Variants in FANK1 observed in about 807,000 individuals in gnomAD.
FANK1 encodes fibronectin type 3 and ankyrin repeat domains protein 1.
A neutral mutation model predicts 45.3 loss-of-function variants in FANK1; 44 were observed. The observed-to-expected ratio is 0.97, with a 90% CI of 0.76 to 1.25. FANK1 has a LOEUF of 1.25. Among genes scored for constraint, FANK1 ranks in the 50% most tolerant of loss-of-function variants. The pLI is 0.00. For missense variants in FANK1, 391 were observed against 424.4 expected (o/e 0.92, Z 0.69); for synonymous variants, 149 against 152.5 (o/e 0.98, Z 0.17).
intron 6 of FANK1, among the ~76,000 whole-genome samples, chr10:125,999,393 G>A (rs1003324851): frequency 6.6e-6 from 1 of 151,944 alleles, no homozygotes; most frequent in African/African-American, 2.4e-5. Flanking sequence ...TAGAGATGGG[G>A]TTTCACCGTG....
chr10:125,967,043 G>A (rs963945617), intron 1 of FANK1, among the ~76,000 whole-genome samples: 3 of 152,124 alleles, frequency 2.0e-5, no homozygotes, highest in African/African-American at 7.2e-5. Flanking sequence ...CACTTTTAAT[G>A]ACTAAATATT....
At chr10:125,924,463 AG>A (rs201017279) in intron 1 of FANK1, among the ~76,000 whole-genome samples, 1,969 of 152,140 alleles carry the variant, frequency 0.013, 40 homozygotes, top group African/African-American at 0.045. Context: ...CACGTTGGGC[AG>A]GATGGTCTCG....
intron 1 of FANK1, among the ~76,000 whole-genome samples, chr10:125,962,141 A>G (rs11244732): frequency 0.27 from 40,507 of 152,078 alleles, 6,512 homozygotes; most frequent in Non-Finnish European, 0.37. Context: ...CTCAACAGCA[A>G]AAAACAATCT....
chr10:125,899,097 G>T (rs202221252), intron 1 of FANK1, among the ~76,000 whole-genome samples: 1 of 136,184 alleles, frequency 7.3e-6, no homozygotes, highest in East Asian at 2.1e-4. Flanking sequence ...TTTCGCTGTT[G>T]TTGCCCAAGC....
At chr10:125,897,523 T>C (rs372940203) in intron 1 of FANK1, among the ~76,000 whole-genome samples, 78 of 152,376 alleles carry the variant, frequency 5.1e-4, no homozygotes, top group African/African-American at 1.8e-3. Flanking sequence ...TCGTCTTATC[T>C]TGTACAATTT....
chr10:125,988,707 C>T (rs1240122019), intron 3 of FANK1, 32 bp downstream of exon 3: 1 of 1,614,208 alleles, frequency 6.2e-7, no homozygotes, highest in Non-Finnish European at 8.5e-7. Context: ...ACTCACCTCT[C>T]TCTAGATCAA....
At chr10:125,952,076 G>A (rs1949270871) in intron 1 of FANK1, among the ~76,000 whole-genome samples, 1 of 152,112 alleles carries the variant, frequency 6.6e-6, no homozygotes. Flanking sequence ...TGTCAGATAA[G>A]TTCAGGTGTG....
intron 3 of FANK1, among the ~76,000 whole-genome samples, chr10:125,990,656 T>A (rs1156798765): frequency 6.6e-6 from 1 of 152,172 alleles, no homozygotes; most frequent in African/African-American, 2.4e-5. Flanking sequence ...GGCAGGGGCT[T>A]CTGGCCGTCC....
intron 1 of FANK1, among the ~76,000 whole-genome samples, chr10:125,915,651 A>G (rs1946391829): frequency 6.6e-6 from 1 of 152,204 alleles, no homozygotes; most frequent in Non-Finnish European, 1.5e-5. Context: ...TCTCTACAAA[A>G]AAAGTTCCAA....
chr10:125,996,034 C>T (rs545816348), intron 4 of FANK1, among the ~76,000 whole-genome samples: 77 of 152,296 alleles, frequency 5.1e-4, no homozygotes, highest in Non-Finnish European at 8.7e-4. Context: ...GTGAATTCGG[C>T]TCTGTAATTT....
intron 1 of FANK1, among the ~76,000 whole-genome samples, chr10:125,945,526 T>C (rs1450207048): frequency 2.6e-5 from 4 of 152,120 alleles, no homozygotes; most frequent in Non-Finnish European, 5.9e-5. Flanking sequence ...CCCACCCGAA[T>C]ATTGTGCTTT....
chr10:125,987,532 C>T lies in FANK1; in HGVS notation c.192-1019C>T, dbSNP rs201263261. Reference sequence around the variant, plus strand: ...AAAGAAGAAAGAGCTGGAAATGACACACACACACACACACACCCTCTCAAA... The same window carrying T: ...AAAGAAGAAAGAGCTGGAAATGACATACACACACACACACACCCTCTCAAA... On this transcript the variant is annotated intron_variant, in intron 2 of 10. Coordinates refer to ENST00000368693, the MANE Select transcript of FANK1 (RefSeq NM_145235.5). 7.3e-5 allele frequency among the ~76,000 whole-genome samples: 11 copies of T among 150,514 alleles called. No individual in the cohort carries two copies. In the East Asian group the frequency reaches 2.2e-3, roughly 30 times the overall value.
At position 126,009,284 on chromosome 10, in the gene FANK1, G is replaced by C; in HGVS notation, c.972+18G>C. On this transcript the variant is annotated intron_variant, in intron 10 of 10. Coordinates refer to ENST00000368693, the MANE Select transcript of FANK1 (RefSeq NM_145235.5). ...ACAGACAGGTTGGGATGCTCTTTCT[G>C]CCTATCAAGGCTAATTTTTAGTCCT... 2 of 1,614,112 alleles carry C rather than the reference G, an allele frequency of 1.2e-6. No homozygotes were observed. The highest frequency in any genetic ancestry group is 1.7e-6 in the Non-Finnish European group (2 of 1,180,022).
At chr10:125,967,797 G>A (rs1184913071) in intron 1 of FANK1, among the ~76,000 whole-genome samples, 1 of 152,100 alleles carries the variant, frequency 6.6e-6, no homozygotes, top group East Asian at 1.9e-4. Context: ...AAAAATAAAA[G>A]CACATACAAT....
rs372392726 is a variant in FANK1 at position 126,005,054 on chromosome 10, G to A, written c.705+5G>A. 9.6e-5 allele frequency: 154 copies of A among 1,611,104 alleles called. No individual in the cohort carries two copies. Among genetic ancestry groups the A allele is most frequent in the Non-Finnish European group, 1.2e-4 (139 of 1,178,188 alleles). ...ATGATAAAGGATGGCTGTGAGGTAC[G>A]GGACCTGCCTTGTTAACCACGCACA... is the stretch of plus-strand genomic sequence containing the variant. On this transcript the variant is annotated splice_donor_5th_base_variant and intron_variant, in intron 7 of 10. Coordinates refer to ENST00000368693, the MANE Select transcript of FANK1 (RefSeq NM_145235.5).
chr10:125,958,220 C>A (rs2134175192), intron 1 of FANK1, among the ~76,000 whole-genome samples: 1 of 152,284 alleles, frequency 6.6e-6, no homozygotes, highest in South Asian at 2.1e-4. Flanking sequence ...CCCTTCCCAG[C>A]CTCTAGTATC....
chr10:125,913,607 A>G (rs1946208430), intron 1 of FANK1, among the ~76,000 whole-genome samples: 1 of 152,188 alleles, frequency 6.6e-6, no homozygotes, highest in South Asian at 2.1e-4. Context: ...TTAATTTTAC[A>G]TAAACCTGGG....
intron 1 of FANK1, among the ~76,000 whole-genome samples, chr10:125,951,536 T>C (rs1359755460): frequency 1.3e-5 from 2 of 152,276 alleles, no homozygotes; most frequent in South Asian, 4.1e-4. Context: ...CTGTAGAAAT[T>C]GTTTTCTGTT....
chr10:125,935,616 C>A (rs1235281193), intron 1 of FANK1, among the ~76,000 whole-genome samples: 1 of 152,108 alleles, frequency 6.6e-6, no homozygotes, highest in Non-Finnish European at 1.5e-5. Flanking sequence ...ATAAATCTGT[C>A]TTTTAGAATG....
Sources: allele counts gnomAD v4.1 joint callset (sites outside exome capture counted in the v4.1 genomes callset), GRCh38; gene constraint gnomAD v4.1.1; transcripts MANE v1.5; gene names NCBI Gene and HGNC (gene_info 2026-07-23, HGNC 2026-07-21).